The following MGMT variants were observed in gnomAD, a reference collection of about 807,000 sequenced individuals.
MGMT encodes the protein O-6-methylguanine-DNA methyltransferase.
In MGMT, 14 loss-of-function variants were observed where a neutral mutation model predicts 15.9. The observed-to-expected ratio is 0.88, with a 90% CI of 0.58 to 1.37. The LOEUF (loss-of-function observed/expected upper bound fraction) is 1.37. Ranked by LOEUF, MGMT falls within the 40% of genes most tolerant of loss-of-function variation. The pLI, the probability that MGMT is intolerant of heterozygous loss-of-function variation, is 0.00. For synonymous variants in MGMT, 130 were observed against 118.2 expected (o/e 1.10, Z -0.65); for missense variants, 282 against 268.1 (o/e 1.05, Z -0.36).
At chr10:129,764,693 AGAGTG>A (rs1848913164) in intron 4 of MGMT, among the ~76,000 whole-genome samples, 1 of 152,224 alleles carries the variant, frequency 6.6e-6, no homozygotes, top group African/African-American at 2.4e-5. Context: ...GAGAAAAAGA[AGAGTG>A]GAGTCGGAGT....
At chr10:129,713,924 T>A (rs1019022752) in intron 3 of MGMT, among the ~76,000 whole-genome samples, 1 of 152,238 alleles carries the variant, frequency 6.6e-6, no homozygotes, top group African/African-American at 2.4e-5. Context: ...GAAGTCCCCA[T>A]TGATGCTGTT....
chr10:129,718,150 A>G (rs1270668570), intron 3 of MGMT, among the ~76,000 whole-genome samples: 2 of 152,196 alleles, frequency 1.3e-5, no homozygotes, highest in Non-Finnish European at 1.5e-5. Flanking sequence ...CAGGACTTCT[A>G]ATGCCCTAGA....
intron 2 of MGMT, among the ~76,000 whole-genome samples, chr10:129,690,310 A>C (rs1847955096): frequency 6.6e-6 from 1 of 152,178 alleles, no homozygotes; most frequent in South Asian, 2.1e-4. Context: ...TTTTAAAGTA[A>C]ATTCTGAATC....
rs1022457450 is a variant in MGMT, at chr10:129,734,458, G to T, written c.275-24744G>T. On this transcript the variant is annotated intron_variant, in intron 3 of 4. Coordinates refer to ENST00000651593, the MANE Select transcript of MGMT (RefSeq NM_002412.5). ...TTGCTTTTCAGCTTAAGGAGATTTT[G>T]GGCTGAGACAGTGGGGTCTTCTGGA... is the stretch of plus-strand genomic sequence containing the variant. Among the ~76,000 whole-genome samples, 5 of 150,908 alleles carry T rather than the reference G, an allele frequency of 3.3e-5. No homozygotes were observed. In the Admixed American group the frequency reaches 3.3e-4, roughly 10 times the overall value.
At chr10:129,562,143 TTGTAAAAAATTATATACCATTCA>T (rs1255594960) in intron 2 of MGMT, among the ~76,000 whole-genome samples, 2 of 152,202 alleles carry the variant, frequency 1.3e-5, no homozygotes, top group African/African-American at 2.4e-5. Context: ...GCAAGACTTG[TTGTAAAAAATTATATACCATTCA>T]TGACCAAAAT....
chr10:129,472,649 A>G lies in MGMT; in HGVS notation c.-13+5353A>G, dbSNP rs186775143. ...CTTGAGCAGAGTTACTTAACCTTCCAAGGCCAGATTTCTCCAAAAGCAGGG... is the reference window on the plus strand; with the variant it reads ...CTTGAGCAGAGTTACTTAACCTTCCGAGGCCAGATTTCTCCAAAAGCAGGG... On this transcript the variant is annotated intron_variant, in intron 1 of 4. Transcript: ENST00000651593. 4.6e-5 allele frequency among the ~76,000 whole-genome samples: 7 copies of G among 152,268 alleles called. No individual in the cohort carries two copies. In the East Asian group the frequency reaches 1.4e-3, roughly 30 times the overall value.
intron 2 of MGMT, among the ~76,000 whole-genome samples, chr10:129,585,054 G>C (rs1014202083): frequency 3.3e-5 from 5 of 152,098 alleles, no homozygotes; most frequent in African/African-American, 1.2e-4. Context: ...AAAACTTATG[G>C]TTTTCTAATA....
chr10:129,530,415 C>T (rs1490116344), intron 1 of MGMT, among the ~76,000 whole-genome samples: 1 of 152,122 alleles, frequency 6.6e-6, no homozygotes, highest in Non-Finnish European at 1.5e-5. Flanking sequence ...TAATTTTTCT[C>T]CCCCCAGGAG....
intron 2 of MGMT, among the ~76,000 whole-genome samples, chr10:129,646,754 A>ATATATATATATTTTTTTT: frequency 4.6e-5 from 4 of 86,676 alleles, no homozygotes; most frequent in African/African-American, 1.2e-4. Context: ...ATATATATAT[A>ATATATATATATTTTTTTT]TTTTCAGGGA....
At chr10:129,475,748 CAGGAGGTTGCTG>C (rs573663199) in intron 1 of MGMT, among the ~76,000 whole-genome samples, 3,255 of 152,300 alleles carry the variant, frequency 0.021, 43 homozygotes, top group Admixed American at 0.029. Context: ...CACCAGGACA[CAGGAGGTTGCTG>C]AGGAGGTTGC....
At chr10:129,562,741 G>A (rs117869130) in intron 2 of MGMT, among the ~76,000 whole-genome samples, 4,954 of 152,262 alleles carry the variant, frequency 0.033, 130 homozygotes, top group South Asian at 0.065. Flanking sequence ...GTGGGACTTC[G>A]CACTGACTAC....
chr10:129,507,277 C>T (rs1371007704), intron 1 of MGMT, among the ~76,000 whole-genome samples: 4 of 152,196 alleles, frequency 2.6e-5, no homozygotes, highest in African/African-American at 9.7e-5. Context: ...GGTTTGGCTT[C>T]CAGACGGATG....
At chr10:129,698,509 C>A (rs1000276753) in intron 2 of MGMT, among the ~76,000 whole-genome samples, 1 of 152,198 alleles carries the variant, frequency 6.6e-6, no homozygotes, top group Non-Finnish European at 1.5e-5. Context: ...GATATACAAG[C>A]ACTTTATTTC....
At chr10:129,712,629 G>A (rs1243172461) in intron 3 of MGMT, among the ~76,000 whole-genome samples, 1 of 152,184 alleles carries the variant, frequency 6.6e-6, no homozygotes, top group East Asian at 1.9e-4. Flanking sequence ...ACCGTGTCCT[G>A]GAAGATGGGC....
At chr10:129,480,169 A>G (rs759628018) in intron 1 of MGMT, among the ~76,000 whole-genome samples, 1 of 152,212 alleles carries the variant, frequency 6.6e-6, no homozygotes, top group Admixed American at 6.5e-5. Context: ...GTTGAAGCGC[A>G]TCAAGAGAAT....
intron 2 of MGMT, among the ~76,000 whole-genome samples, chr10:129,565,304 A>C: frequency 6.6e-6 from 1 of 152,108 alleles, no homozygotes; most frequent in East Asian, 1.9e-4. Flanking sequence ...AAAAAAAAAA[A>C]AATAGTGAAA....
chr10:129,733,874 A>C (rs2133165052), intron 3 of MGMT, among the ~76,000 whole-genome samples: 1 of 152,178 alleles, frequency 6.6e-6, no homozygotes, highest in South Asian at 2.1e-4. Flanking sequence ...AGTTGTAGAT[A>C]TGCGGCGTTA....
intron 1 of MGMT, among the ~76,000 whole-genome samples, chr10:129,489,250 C>G (rs1162094421): frequency 6.8e-6 from 1 of 148,124 alleles, no homozygotes; most frequent in African/African-American, 2.6e-5. Flanking sequence ...ATCCCAGTTA[C>G]TCGGGAGGCT....
intron 3 of MGMT, among the ~76,000 whole-genome samples, chr10:129,722,835 G>A (rs1261900043): frequency 1.3e-5 from 2 of 151,872 alleles, no homozygotes; most frequent in Non-Finnish European, 2.9e-5. Flanking sequence ...GCAAGACCCT[G>A]TCTCTACTAA....
Sources: gnomAD v4.1 joint callset for allele counts (sites outside exome capture counted in the v4.1 genomes callset) on GRCh38, gnomAD v4.1.1 for gene constraint, MANE v1.5 for transcripts, NCBI Gene and HGNC (gene_info 2026-07-23, HGNC 2026-07-21) for gene names.